The following PDXDC1 variants were observed in gnomAD, a reference collection of about 807,000 sequenced individuals.
The protein encoded by PDXDC1 is pyridoxal-dependent decarboxylase domain-containing protein 1.
In PDXDC1, 42 loss-of-function variants were observed where a neutral mutation model predicts 100.1. The ratio of observed to expected loss-of-function variants is 0.42; its 90% CI spans 0.33 to 0.54. The LOEUF (loss-of-function observed/expected upper bound fraction) is 0.54. Among genes scored for constraint, PDXDC1 ranks in the 20% least tolerant of loss-of-function variants. PDXDC1 has a pLI of 0.10. For synonymous variants in PDXDC1, 260 were observed against 371.7 expected (o/e 0.70, Z 3.46); for missense variants, 636 against 979.2 (o/e 0.65, Z 4.68).
At chr16:15,126,189 G>C (rs1247398798) in intron 16 of PDXDC1, among the ~76,000 whole-genome samples, 3 of 151,258 alleles carry the variant, frequency 2.0e-5, no homozygotes, top group Admixed American at 6.6e-5. Flanking sequence ...TGCCTGCCAC[G>C]ATGCCCAGCT....
chr16:15,055,229 T>A (rs76702213), intron 16 of PDXDC1, among the ~76,000 whole-genome samples: 1 of 152,082 alleles, frequency 6.6e-6, no homozygotes, highest in Non-Finnish European at 1.5e-5. Flanking sequence ...AGTCCCTGCA[T>A]AAGCGTGGAC....
At chr16:15,105,132 T>G (rs1399388410) in intron 16 of PDXDC1, among the ~76,000 whole-genome samples, 3 of 116,046 alleles carry the variant, frequency 2.6e-5, no homozygotes, top group South Asian at 3.7e-4. Flanking sequence ...CAGAGCATGT[T>G]TCTTGCACCA....
At chr16:15,097,981 G>A (rs1350531682) in intron 16 of PDXDC1, among the ~76,000 whole-genome samples, 2 of 97,738 alleles carry the variant, frequency 2.0e-5, no homozygotes, top group East Asian at 6.6e-4. Context: ...TCCCTCTGTT[G>A]CCCAGGCTGG....
chr16:15,125,474 C>G (rs374889059), intron 16 of PDXDC1: 74,012 of 947,378 alleles, frequency 0.078, 6,598 homozygotes, highest in East Asian at 0.37. Flanking sequence ...CCAGCAAGGA[C>G]ACGCAGCCCG....
At chr16:15,033,156 C>G in intron 18 of PDXDC1, 122 bp from the exon 19 acceptor site, 1 of 1,181,292 alleles carries the variant, frequency 8.5e-7, no homozygotes, top group South Asian at 1.3e-5. Context: ...TCTCTCCGCC[C>G]TTAGAATCTC....
rs754853873 is a variant in PDXDC1, at chr16:15,036,238, A to G, written c.2330A>G (p.Asp777Gly). 6 of 1,613,952 alleles carry G rather than the reference A, an allele frequency of 3.7e-6. No homozygotes were observed. Among genetic ancestry groups the G allele is most frequent in the Non-Finnish European group, 5.1e-6 (6 of 1,179,942 alleles). The stretch of plus-strand genomic sequence containing the variant: ...AAAGGGGTCCCACACCCAGAAGATG[A>G]CCACTCACAGGTAGAAGGACCGGAG... ...FQKGVPHPEDDHSQVEGPESL... is the reference protein window; with the variant it reads ...FQKGVPHPEDGHSQVEGPESL... Residue 777 changes from aspartate (D) to glycine (G), a missense_variant, in exon 23 of 23, where the codon GAC (aspartate) becomes GGC (glycine). By Grantham distance (94) the Asp-to-Gly change is moderately conservative. Coordinates refer to ENST00000396410, the MANE Select transcript of PDXDC1 (RefSeq NM_015027.4).
At chr16:14,978,120 A>G (rs1967107673) in intron 1 of PDXDC1, among the ~76,000 whole-genome samples, 1 of 152,190 alleles carries the variant, frequency 6.6e-6, no homozygotes, top group African/African-American at 2.4e-5. Context: ...CCACAACAGT[A>G]TCAGTTTTCT....
At chr16:14,974,983 C>A, upstream of PDXDC1, 1 of 1,535,162 alleles carries the variant, frequency 6.5e-7, no homozygotes, top group South Asian at 1.2e-5. Flanking sequence ...GGTACGGAAT[C>A]CCAGAGGGCT....
chr16:15,135,293 GCCT>G (rs2048296143), intron 16 of PDXDC1: 2 of 1,490,592 alleles, frequency 1.3e-6, no homozygotes, highest in Non-Finnish European at 1.8e-6. Flanking sequence ...CTGGTTGGTG[GCCT>G]CCTCCTTGCG....
intron 16 of PDXDC1, among the ~76,000 whole-genome samples, chr16:15,085,180 G>A (rs573919176): frequency 4.6e-5 from 7 of 152,304 alleles, no homozygotes; most frequent in South Asian, 2.1e-4. Context: ...CAGCATCAAC[G>A]AAAATTAAAT....
At chr16:15,015,453 A>T (rs987407053) in intron 8 of PDXDC1, among the ~76,000 whole-genome samples, 1 of 152,146 alleles carries the variant, frequency 6.6e-6, no homozygotes, top group African/African-American at 2.4e-5. Context: ...ACGGTGGCTC[A>T]TGCTTATAAT....
chr16:15,006,489 TA>T lies in PDXDC1; in HGVS notation c.486del (p.Val163TrpfsTer62), dbSNP rs1243724933. 6.2e-7 allele frequency: 1 copy of T among 1,610,494 alleles called. No individual in the cohort carries two copies. The highest frequency in any genetic ancestry group is 8.5e-7 in the Non-Finnish European group (1 of 1,177,400). Reference sequence around the variant, plus strand: ...ATTCATTCTCGATATGAAGACTTCGTAGTGGATGGCTTCAATGTGTTATATA... The same window carrying T: ...ATTCATTCTCGATATGAAGACTTCGTGTGGATGGCTTCAATGTGTTATATA... ...LAIHSRYEDF[V>X]VDGFNVLYNK... is the part of the protein sequence containing the mutation. On this transcript the variant is annotated frameshift_variant, in exon 6 of 23. Coordinates refer to ENST00000396410, the MANE Select transcript of PDXDC1 (RefSeq NM_015027.4). LOFTEE classifies it high-confidence loss of function.
intron 13 of PDXDC1, among the ~76,000 whole-genome samples, chr16:15,025,040 C>G (rs2042487209): frequency 1.3e-5 from 2 of 152,426 alleles, no homozygotes; most frequent in South Asian, 4.1e-4. Flanking sequence ...AGTCCTCTTT[C>G]TGTTTCCTCT....
intron 16 of PDXDC1, among the ~76,000 whole-genome samples, chr16:15,030,950 T>G (rs1405173472): frequency 6.6e-6 from 1 of 151,196 alleles, no homozygotes; most frequent in African/African-American, 2.4e-5. Flanking sequence ...GATCTGTGTT[T>G]TGGTTTTTAT....
chr16:15,110,230 C>G (rs938435420), intron 16 of PDXDC1, among the ~76,000 whole-genome samples: 1 of 147,140 alleles, frequency 6.8e-6, no homozygotes, highest in South Asian at 2.2e-4. Flanking sequence ...AAATGACAAA[C>G]AAGAATGTAG....
At chr16:15,034,608 A>G in intron 21 of PDXDC1, 55 bp downstream of exon 21, 2 of 1,310,662 alleles carry the variant, frequency 1.5e-6, no homozygotes, top group Non-Finnish European at 2.2e-6. Context: ...GTTTCACCAA[A>G]TGCCCTTGGG....
At chr16:15,082,948 GC>G (rs1415108173) in intron 16 of PDXDC1, among the ~76,000 whole-genome samples, 1 of 152,156 alleles carries the variant, frequency 6.6e-6, no homozygotes, top group Non-Finnish European at 1.5e-5. Context: ...TGAGCATAAA[GC>G]CACTACAGAT....
chr16:15,016,725 G>A (rs1195492533), intron 9 of PDXDC1, among the ~76,000 whole-genome samples: 17 of 152,294 alleles, frequency 1.1e-4, no homozygotes, highest in African/African-American at 2.7e-4. Context: ...TGGAGATGGC[G>A]CCCTGGAAGG....
intron 1 of PDXDC1, among the ~76,000 whole-genome samples, chr16:14,985,642 C>T (rs1226277801): frequency 1.3e-5 from 2 of 152,286 alleles, no homozygotes; most frequent in Admixed American, 6.5e-5. Flanking sequence ...GCTCCTTGAC[C>T]TCCTTTACCA....
Sources: gnomAD v4.1 joint callset for allele counts (sites outside exome capture counted in the v4.1 genomes callset) on GRCh38, gnomAD v4.1.1 for gene constraint, MANE v1.5 for transcripts, NCBI Gene and HGNC (gene_info 2026-07-23, HGNC 2026-07-21) for gene names.